ENOX1: variants seen among roughly 807,000 people sequenced by gnomAD.
The protein encoded by ENOX1 is ecto-NOX disulfide-thiol exchanger 1.
ENOX1 carries 42 observed loss-of-function variants against 82.5 expected under a neutral mutation model. The observed-to-expected ratio is 0.51, with a 90% CI of 0.40 to 0.66. ENOX1 has a LOEUF of 0.66. Among genes scored for constraint, ENOX1 ranks in the 30% least tolerant of loss-of-function variants. The pLI is 0.00. For missense variants in ENOX1, 608 were observed against 811.6 expected, an observed-to-expected ratio of 0.75 and a Z score of 3.05; for synonymous variants, 271 against 282.2, an observed-to-expected ratio of 0.96 and a Z score of 0.40.
At chr13:43,674,056 A>G (rs955062173) in intron 1 of ENOX1, among the ~76,000 whole-genome samples, 5 of 152,220 alleles carry the variant, frequency 3.3e-5, no homozygotes, top group African/African-American at 1.2e-4. Flanking sequence ...ACTTAACATG[A>G]ATTTCTGCCT....
At chr13:43,695,605 G>A (rs573981845) in intron 1 of ENOX1, among the ~76,000 whole-genome samples, 1 of 152,050 alleles carries the variant, frequency 6.6e-6, no homozygotes, top group South Asian at 2.1e-4. Flanking sequence ...GCACCACCGT[G>A]CCCAGCTAAT....
chr13:43,673,471 C>A (rs2085363511), intron 1 of ENOX1, among the ~76,000 whole-genome samples: 1 of 152,166 alleles, frequency 6.6e-6, no homozygotes, highest in African/African-American at 2.4e-5. Context: ...AAGGATAAAG[C>A]AATTACAGCT....
intron 1 of ENOX1, among the ~76,000 whole-genome samples, chr13:43,760,060 G>C (rs1950877726): frequency 6.6e-6 from 1 of 152,182 alleles, no homozygotes; most frequent in Non-Finnish European, 1.5e-5. Flanking sequence ...GGATGCAGAA[G>C]CATCTACTTG....
chr13:43,526,480 TAA>T (rs2077995904), intron 2 of ENOX1, among the ~76,000 whole-genome samples: 1 of 152,096 alleles, frequency 6.6e-6, no homozygotes, highest in South Asian at 2.1e-4. Flanking sequence ...CATAGCTTTC[TAA>T]AATACTGAAA....
intron 1 of ENOX1, among the ~76,000 whole-genome samples, chr13:43,736,885 T>G (rs2089658890): frequency 6.6e-6 from 1 of 152,184 alleles, no homozygotes. Flanking sequence ...TCCTTTCCCA[T>G]GCAAACTTCT....
intron 2 of ENOX1, among the ~76,000 whole-genome samples, chr13:43,611,478 T>A (rs2082199302): frequency 6.6e-6 from 1 of 152,226 alleles, no homozygotes; most frequent in Non-Finnish European, 1.5e-5. Flanking sequence ...ACGACCCATG[T>A]AGTCTCAAAA....
chr13:43,380,401 T>C (rs1295748258), intron 5 of ENOX1, among the ~76,000 whole-genome samples: 2 of 151,680 alleles, frequency 1.3e-5, no homozygotes, highest in African/African-American at 4.8e-5. Context: ...CAAAAGTATA[T>C]AGTTCTTACA....
intron 3 of ENOX1, among the ~76,000 whole-genome samples, chr13:43,462,715 T>G (rs533649091): frequency 6.6e-6 from 1 of 152,370 alleles, no homozygotes; most frequent in South Asian, 2.1e-4. Flanking sequence ...CATTTTCCCA[T>G]GTTTTCTTAA....
At chr13:43,445,675 T>C (rs954601303) in intron 3 of ENOX1, among the ~76,000 whole-genome samples, 16 of 152,174 alleles carry the variant, frequency 1.1e-4, no homozygotes, top group African/African-American at 3.9e-4. Flanking sequence ...TTACAACTTT[T>C]ATGTGTGATG....
rs556602307 is a variant in ENOX1 at position 43,481,361 on chromosome 13, T to C, written c.-75+2648A>G. On this transcript the variant is annotated intron_variant, in intron 3 of 16. Transcript: ENST00000690772. ...GAGAGTCCAGAAATAAACCCATATA[T>C]ATATGGGATCAAATTATATTCAACA... 3.9e-5 allele frequency among the ~76,000 whole-genome samples: 6 copies of C among 152,110 alleles called. No individual in the cohort carries two copies. The East Asian group carries it at 7.7e-4, about 20-fold the overall frequency.
chr13:43,683,486 A>C (rs1459115570), intron 1 of ENOX1, among the ~76,000 whole-genome samples: 1 of 152,116 alleles, frequency 6.6e-6, no homozygotes, highest in Non-Finnish European at 1.5e-5. Context: ...AGAATCAGAC[A>C]AAAGACAGTG....
intron 2 of ENOX1, among the ~76,000 whole-genome samples, chr13:43,542,157 C>T (rs1307803053): frequency 1.3e-5 from 2 of 151,934 alleles, no homozygotes; most frequent in East Asian, 1.9e-4. Flanking sequence ...TCTTTTTTTC[C>T]GAGATGAAAT....
intron 9 of ENOX1, 68 bp downstream of exon 9, chr13:43,344,470 A>C: frequency 7.5e-7 from 1 of 1,337,096 alleles, no homozygotes; most frequent in East Asian, 2.3e-5. Context: ...CCAAATGAAA[A>C]AGTAAAATTA....
intron 2 of ENOX1, among the ~76,000 whole-genome samples, chr13:43,532,528 A>G (rs905674355): frequency 5.3e-5 from 8 of 152,186 alleles, no homozygotes; most frequent in African/African-American, 1.9e-4. Context: ...TAAAACTGCT[A>G]TAAGATTCAA....
At chr13:43,598,205 G>GAA (rs35703508) in intron 2 of ENOX1, among the ~76,000 whole-genome samples, 1 of 147,216 alleles carries the variant, frequency 6.8e-6, no homozygotes, top group Non-Finnish European at 1.5e-5. Flanking sequence ...GGCCTTTAAA[G>GAA]AAAAAAAAAA....
chr13:43,597,925 G>A (rs927905158), intron 2 of ENOX1, among the ~76,000 whole-genome samples: 8 of 152,166 alleles, frequency 5.3e-5, no homozygotes, highest in South Asian at 4.1e-4. Context: ...CATCCCTTCC[G>A]AATGGTACCA....
intron 2 of ENOX1, among the ~76,000 whole-genome samples, chr13:43,560,337 A>T (rs996618969): frequency 1.3e-5 from 2 of 152,210 alleles, no homozygotes; most frequent in Non-Finnish European, 1.5e-5. Context: ...TCTAACTTGT[A>T]TAGATAGAAC....
At chr13:43,379,724 G>T (rs921071230) in intron 5 of ENOX1, among the ~76,000 whole-genome samples, 1 of 151,950 alleles carries the variant, frequency 6.6e-6, no homozygotes, top group Non-Finnish European at 1.5e-5. Context: ...CTTGATGAGG[G>T]TGGGGCAAGA....
At chr13:43,687,476 G>A (rs1039608613) in intron 1 of ENOX1, among the ~76,000 whole-genome samples, 1 of 152,108 alleles carries the variant, frequency 6.6e-6, no homozygotes, top group Non-Finnish European at 1.5e-5. Context: ...ATTCTACAGA[G>A]TTTGTCTCTT....
Sources: gnomAD v4.1 joint callset for allele counts (sites outside exome capture counted in the v4.1 genomes callset) on GRCh38, gnomAD v4.1.1 for gene constraint, MANE v1.5 for transcripts, NCBI Gene and HGNC (gene_info 2026-07-23, HGNC 2026-07-21) for gene names.